FGD3: variants seen among roughly 807,000 people sequenced by gnomAD.
FGD3 encodes FYVE, RhoGEF and PH domain containing 3.
Under a neutral mutation model 71.8 loss-of-function variants are expected in FGD3, and 45 were observed. That is an observed-to-expected ratio of 0.63 (90% CI 0.49 to 0.80). The LOEUF is 0.80. Among genes scored for constraint, FGD3 ranks in the 30% least tolerant of loss-of-function variants. The pLI is 0.00. For synonymous variants in FGD3, 378 were observed against 392.8 expected, an observed-to-expected ratio of 0.96 and a Z score of 0.44; for missense variants, 844 against 951.5, an observed-to-expected ratio of 0.89 and a Z score of 1.49.
At chr9:93,016,571 C>T (rs910468894) in intron 10 of FGD3, among the ~76,000 whole-genome samples, 5 of 151,678 alleles carry the variant, frequency 3.3e-5, no homozygotes, top group East Asian at 1.9e-4. Flanking sequence ...CTCCTGACTT[C>T]GTGATCCACC....
chr9:93,024,967 G>A (rs1375915604), intron 14 of FGD3, among the ~76,000 whole-genome samples: 2 of 152,254 alleles, frequency 1.3e-5, no homozygotes. Flanking sequence ...AGAGATCAGA[G>A]AAGCTGTCAG....
At chr9:92,988,117 C>A (rs555962955) in intron 3 of FGD3, among the ~76,000 whole-genome samples, 53 of 152,174 alleles carry the variant, frequency 3.5e-4, no homozygotes, top group African/African-American at 1.1e-3. Flanking sequence ...GTGAGGAGGG[C>A]GGATTTATTA....
At chr9:92,991,349 G>T (rs1860401850) in intron 3 of FGD3, among the ~76,000 whole-genome samples, 1 of 152,120 alleles carries the variant, frequency 6.6e-6, no homozygotes, top group Non-Finnish European at 1.5e-5. Context: ...AAAGTGCTGG[G>T]ATTACAGGTG....
At chr9:92,970,161 C>T (rs1263636673) in intron 1 of FGD3, among the ~76,000 whole-genome samples, 4 of 152,224 alleles carry the variant, frequency 2.6e-5, no homozygotes, top group Admixed American at 2.6e-4. Context: ...CGGGGGCTTC[C>T]AGCACCTGTG....
chr9:93,018,309 G>T lies in FGD3; in HGVS notation c.1355+94G>T, dbSNP rs977002220. The T allele has an allele frequency of 7.4e-6, 9 of 1,209,732 alleles. No homozygotes were observed. The African/African-American group carries it at 1.1e-4, about 14-fold the overall frequency. 74.9% of individuals were successfully genotyped at this position (1,209,732 alleles called of 1,614,324 possible). On this transcript the variant is annotated intron_variant, in intron 11 of 17. Transcript: ENST00000375482. ...TGTAATATATTTTTATTTATGCATG[G>T]CTTAAAATTTAAAAGTACTGTTACT... is the stretch of plus-strand genomic sequence containing the variant.
chr9:93,020,247 C>A, intron 12 of FGD3, 70 bp from the exon 13 acceptor site: 1 of 1,413,834 alleles, frequency 7.1e-7, no homozygotes, highest in Non-Finnish European at 9.6e-7. Context: ...CAGAGGCAGG[C>A]GCGTCCCTCC....
chr9:93,027,272 G>A (rs542333601), intron 14 of FGD3, among the ~76,000 whole-genome samples: 9 of 152,290 alleles, frequency 5.9e-5, no homozygotes, highest in African/African-American at 1.2e-4. Flanking sequence ...GGAAGTGCCC[G>A]GCCAGAATTT....
At chr9:93,030,076 AGCACACCAGCCAT>A (rs918052475) in intron 15 of FGD3, 80 bp downstream of exon 15, 19 of 1,526,548 alleles carry the variant, frequency 1.2e-5, no homozygotes, top group South Asian at 5.8e-5. Context: ...CCTCACCAGC[AGCACACCAGCCAT>A]GCACACCAGC....
intron 3 of FGD3, among the ~76,000 whole-genome samples, chr9:92,995,664 A>T (rs1860610308): frequency 6.6e-6 from 1 of 152,190 alleles, no homozygotes; most frequent in African/African-American, 2.4e-5. Flanking sequence ...TATCTAGTTT[A>T]TCAAGAGTTT....
chr9:92,971,620 G>C (rs12347740), intron 1 of FGD3, among the ~76,000 whole-genome samples: 8 of 120,808 alleles, frequency 6.6e-5, no homozygotes, highest in Non-Finnish European at 1.3e-4. Flanking sequence ...CTTTCCCCTA[G>C]GCTGGAGTGC....
intron 10 of FGD3, among the ~76,000 whole-genome samples, chr9:93,017,829 G>A (rs942907326): frequency 2.6e-5 from 4 of 151,918 alleles, no homozygotes; most frequent in Admixed American, 1.3e-4. Context: ...TGGATGGGGC[G>A]ACATGGGGAG....
rs370316171 is a variant in FGD3, at chr9:93,018,140, A to G, written c.1280A>G (p.Gln427Arg). 9.9e-6 allele frequency: 16 copies of G among 1,614,116 alleles called. No individual in the cohort carries two copies. In the African/African-American group the frequency reaches 1.7e-4, roughly 17 times the overall value. ...TCTTTGTTCTTGCCCCTTCAGGTGC[A>G]GGATATCGTCAAGCCAAACACAGCA... ...EKMDISGLQV[Q>R]DIVKPNTAHT... The change falls in exon 11 of 18, where the codon CAG (glutamine) becomes CGG (arginine). Residue 427 changes from glutamine to arginine, a missense_variant. By Grantham distance (43) the Gln-to-Arg change is conservative (BLOSUM62 1). Coordinates refer to ENST00000375482, the MANE Select transcript of FGD3 (RefSeq NM_001083536.2).
chr9:92,976,247 A>G lies in FGD3; in HGVS notation c.-10A>G. On this transcript the variant is annotated 5_prime_UTR_variant, in exon 3 of 18. Transcript: ENST00000375482. Reference sequence around the variant, plus strand: ...GCCTCCACCTGAGCCCAGTGAGCTCAGCTTTAAGGATGGAGTCAGGCAGGG... The same window carrying G: ...GCCTCCACCTGAGCCCAGTGAGCTCGGCTTTAAGGATGGAGTCAGGCAGGG... The G allele has an allele frequency of 6.4e-7, 1 of 1,559,562 alleles. No homozygotes were observed. Among genetic ancestry groups the G allele is most frequent in the South Asian group, 1.2e-5 (1 of 85,756 alleles).
At chr9:92,950,518 C>T (rs1403578122) in intron 1 of FGD3, among the ~76,000 whole-genome samples, 1 of 152,122 alleles carries the variant, frequency 6.6e-6, no homozygotes, top group South Asian at 2.1e-4. Flanking sequence ...TCTGAGGACA[C>T]TGGGGAGGCT....
At chr9:92,980,030 A>AT (rs34335043) in intron 3 of FGD3, among the ~76,000 whole-genome samples, 74,927 of 144,994 alleles carry the variant, frequency 0.52, 19,290 homozygotes, top group Middle Eastern at 0.62. Context: ...AATAGAATAG[A>AT]TTTTTTTTTT....
chr9:92,950,566 G>C (rs1297203280), intron 1 of FGD3, among the ~76,000 whole-genome samples: 1 of 152,182 alleles, frequency 6.6e-6, no homozygotes, highest in African/African-American at 2.4e-5. Flanking sequence ...GCTCACAGAG[G>C]CCAGGACTGT....
intron 1 of FGD3, among the ~76,000 whole-genome samples, chr9:92,971,501 C>G (rs1051793542): frequency 3.3e-5 from 5 of 149,564 alleles, no homozygotes; most frequent in Non-Finnish European, 7.4e-5. Context: ...ATGTCTGAAA[C>G]TCACGAAGTT....
At chr9:93,022,643 T>C (rs1211663783) in intron 14 of FGD3, among the ~76,000 whole-genome samples, 1 of 152,144 alleles carries the variant, frequency 6.6e-6, no homozygotes, top group Non-Finnish European at 1.5e-5. Flanking sequence ...CGCAGAGGCC[T>C]GTCAGTGTGG....
At chr9:92,960,050 G>A (rs1859141206) in intron 1 of FGD3, among the ~76,000 whole-genome samples, 1 of 151,554 alleles carries the variant, frequency 6.6e-6, no homozygotes, top group Non-Finnish European at 1.5e-5. Context: ...ATATCCCCAT[G>A]TCTCCATGTC....
Sources: gnomAD v4.1 joint callset for allele counts (sites outside exome capture counted in the v4.1 genomes callset) on GRCh38, gnomAD v4.1.1 for gene constraint, MANE v1.5 for transcripts, NCBI Gene and HGNC (gene_info 2026-07-23, HGNC 2026-07-21) for gene names.